The following ANK3 variants were observed in gnomAD, a reference collection of about 807,000 sequenced individuals.
ANK3 encodes the protein ankyrin-3.
A neutral mutation model predicts 370.9 loss-of-function variants in ANK3; 57 were observed. The ratio of observed to expected loss-of-function variants is 0.15; its 90% CI spans 0.12 to 0.19. The LOEUF (loss-of-function observed/expected upper bound fraction) is 0.19. Ranked by LOEUF, ANK3 falls within the 10% of genes least tolerant of loss-of-function variation. The pLI is 1.00. For synonymous variants in ANK3, 1,929 were observed against 1,946.3 expected, an observed-to-expected ratio of 0.99 and a Z score of 0.23; for missense variants, 4,439 against 5,302.1, an observed-to-expected ratio of 0.84 and a Z score of 5.06.
At chr10:60,696,160 G>T (rs1050467927) in intron 1 of ANK3, among the ~76,000 whole-genome samples, 1 of 149,518 alleles carries the variant, frequency 6.7e-6, no homozygotes, top group African/African-American at 2.5e-5. Flanking sequence ...AGAAGTCATG[G>T]ATAAATTCCT....
chr10:60,311,773 C>T (rs1170991548), intron 1 of ANK3, among the ~76,000 whole-genome samples: 1 of 152,188 alleles, frequency 6.6e-6, no homozygotes, highest in Non-Finnish European at 1.5e-5. Context: ...TTCAAGGCTG[C>T]TTTCTTCTTA....
rs774851771 is a variant in ANK3, at chr10:60,086,900, G to C, written c.3541-16C>G. The C allele has an allele frequency of 2.0e-6, 3 of 1,530,088 alleles. No homozygotes were observed. In the Admixed American group the frequency reaches 5.9e-5, roughly 30 times the overall value. The allele number at this position is 1,530,088 out of a possible 1,614,324, so 94.8% of individuals were successfully genotyped here. ...CAGGCTGGGCCTAGAGACAGAGAAA[G>C]GACTTTAAATGAAAGTGACTTTTTT... is the stretch of plus-strand genomic sequence containing the variant. On this transcript the variant is annotated splice_polypyrimidine_tract_variant and intron_variant, in intron 29 of 43. Coordinates refer to ENST00000280772, the MANE Select transcript of ANK3 (RefSeq NM_020987.5).
At chr10:60,653,601 G>T (rs1357854842) in intron 1 of ANK3, among the ~76,000 whole-genome samples, 1 of 152,140 alleles carries the variant, frequency 6.6e-6, no homozygotes, top group African/African-American at 2.4e-5. Flanking sequence ...TGGGCGTCGT[G>T]GCTTATGCCT....
intron 1 of ANK3, among the ~76,000 whole-genome samples, chr10:60,704,537 C>A (rs1463720647): frequency 6.6e-6 from 1 of 151,844 alleles, no homozygotes; most frequent in Non-Finnish European, 1.5e-5. Context: ...AAAAAAATAA[C>A]CCCAGGAAAA....
chr10:60,585,659 C>T (rs147957657), intron 2 of ANK3, among the ~76,000 whole-genome samples: 10 of 152,204 alleles, frequency 6.6e-5, no homozygotes, highest in African/African-American at 2.2e-4. Flanking sequence ...CCTTGACAGA[C>T]CTTTGAGTGA....
At chr10:60,469,064 A>AGT (rs1354304616) in intron 2 of ANK3, among the ~76,000 whole-genome samples, 142 of 2,148 alleles carry the variant, frequency 0.066, 24 homozygotes, top group African/African-American at 0.22. Context: ...TACCACTTTT[A>AGT]GTATATATAT....
chr10:60,493,524 C>G (rs1448231456), intron 2 of ANK3, among the ~76,000 whole-genome samples: 7 of 152,120 alleles, frequency 4.6e-5, no homozygotes, highest in African/African-American at 1.7e-4. Context: ...GTTTAAATGA[C>G]TCTCCAAGTT....
Position 60,059,399 on chromosome 10 carries a change from T to C in ANK3, c.12627A>G (p.Leu4209=), listed in dbSNP as rs766595187. 23 of 1,614,160 alleles carry C rather than the reference T, an allele frequency of 1.4e-5. 2 individuals are homozygous for C. The South Asian group carries it at 2.3e-4, about 16-fold the overall frequency. ...CTCTTCGAGCTTGAGCGCAGGACTC[T>C]AGGTTTCCACTTGATGTCTCATTCT... ...GWQNETSSGN[L]ESCAQARRVT... The change falls in exon 41 of 44, where the codon CTA becomes CTG. Residue 4209 remains leucine (L), a synonymous_variant. Transcript: ENST00000280772.
At chr10:60,569,812 A>T (rs2077548835) in intron 2 of ANK3, among the ~76,000 whole-genome samples, 1 of 152,182 alleles carries the variant, frequency 6.6e-6, no homozygotes, top group Non-Finnish European at 1.5e-5. Context: ...ATGATGTCAC[A>T]CTAAATTTTG....
intron 18 of ANK3, among the ~76,000 whole-genome samples, chr10:60,178,100 C>T (rs529603145): frequency 6.6e-6 from 1 of 152,286 alleles, no homozygotes; most frequent in East Asian, 1.9e-4. Context: ...CCTTCAGTGG[C>T]TTCTCAGTGC....
chr10:60,104,405 G>C (rs34469309), intron 28 of ANK3, among the ~76,000 whole-genome samples: 2 of 88,272 alleles, frequency 2.3e-5, no homozygotes, highest in African/African-American at 5.9e-5. Context: ...AACAAAGAAA[G>C]AAAGAAAAGA....
rs1264648596 is a variant in ANK3, at chr10:60,234,691, G to A, written c.894C>T (p.Thr298=). 2 of 1,608,474 alleles carry A rather than the reference G, an allele frequency of 1.2e-6. No individual in the cohort carries two copies. The highest frequency in any genetic ancestry group is 1.7e-6 in the Non-Finnish European group (2 of 1,175,234). The change falls in exon 8 of 44, where the codon ACC becomes ACT. Residue 298 remains threonine (T), a synonymous_variant. Coordinates refer to ENST00000280772, the MANE Select transcript of ANK3 (RefSeq NM_020987.5). The part of the protein sequence containing the change: ...LDRGAKIDAK[T]RDGLTPLHCG... ...GGTACATAAGTTGCACACTTACCCT[G>A]GTTTTGGCATCGATTTTAGCTCCTC...
In ANK3 at chr10:60,186,855, T is replaced by G; in HGVS notation, c.1945A>C (p.Thr649Pro). Residue 649 changes from threonine to proline, a missense_variant, in exon 17 of 44, where the codon ACT becomes CCT. Around this residue, in one of 13 missense-constraint regions of ANK3, gnomAD observed 192 missense variants for 192.1 expected, o/e 1.00. Coordinates refer to ENST00000280772, the MANE Select transcript of ANK3 (RefSeq NM_020987.5). ...AKKNQMDIAT[T>P]LLEYGADANA... ...GCATCAGCACCATATTCCAGCAGAG[T>G]TGTCGCTATGTCCATCTGGTTCTTT... The G allele has an allele frequency of 1.9e-6, 3 of 1,614,054 alleles. No homozygotes were observed. The highest frequency in any genetic ancestry group is 2.5e-6 in the Non-Finnish European group (3 of 1,179,996).
chr10:60,111,764 T>C (rs1183749558), intron 26 of ANK3: 1 of 456,150 alleles, frequency 2.2e-6, no homozygotes, highest in African/African-American at 2.0e-5. Context: ...TGGAGAAGAA[T>C]AGCTGCAAAA....
At chr10:60,565,240 GT>G (rs1293795965) in intron 2 of ANK3, among the ~76,000 whole-genome samples, 1 of 152,182 alleles carries the variant, frequency 6.6e-6, no homozygotes, top group Admixed American at 6.5e-5. Flanking sequence ...GGATGAAACT[GT>G]TTTGCCTCAG....
chr10:60,405,228 T>C (rs1001641081), intron 2 of ANK3, among the ~76,000 whole-genome samples: 1 of 152,136 alleles, frequency 6.6e-6, no homozygotes, highest in Non-Finnish European at 1.5e-5. Context: ...TATAAGAATG[T>C]TTATGGAAGC....
At chr10:60,174,191 A>T (rs761349016) in intron 18 of ANK3, among the ~76,000 whole-genome samples, 1 of 152,182 alleles carries the variant, frequency 6.6e-6, no homozygotes, top group Non-Finnish European at 1.5e-5. Flanking sequence ...CCCAAACCAC[A>T]GTTGACTGCA....
chr10:60,046,868 G>A (rs11592998), intron 42 of ANK3, among the ~76,000 whole-genome samples: 11,809 of 149,492 alleles, frequency 0.079, 619 homozygotes, highest in Non-Finnish European at 0.12. Flanking sequence ...GTGCAGTGGC[G>A]CGATCTTGGC....
Position 60,198,463 on chromosome 10 carries a change from C to G in ANK3, c.1566G>C (p.Gly522=). 6.2e-7 allele frequency: 1 copy of G among 1,614,152 alleles called. No individual in the cohort carries two copies. Among genetic ancestry groups the G allele is most frequent in the Non-Finnish European group, 8.5e-7 (1 of 1,180,022 alleles). The change falls in exon 14 of 44, where the codon GGG becomes GGC. Residue 522 remains glycine (G), a synonymous_variant. Coordinates refer to ENST00000280772, the MANE Select transcript of ANK3 (RefSeq NM_020987.5). ...ADIVQQLLQQ[G]ASPNAATTSG... is the part of the protein sequence containing the mutation. ...AAGTTGTGGCTGCATTTGGAGATGCCCCTTGCTGCAACAGCTGTTGTACTA... is the reference window on the plus strand; with the variant it reads ...AAGTTGTGGCTGCATTTGGAGATGCGCCTTGCTGCAACAGCTGTTGTACTA...
Sources: allele counts gnomAD v4.1 joint callset (sites outside exome capture counted in the v4.1 genomes callset), GRCh38; gene constraint gnomAD v4.1.1; regional missense constraint gnomAD v4.1.1; transcripts MANE v1.5; gene names NCBI Gene and HGNC (gene_info 2026-07-23, HGNC 2026-07-21).